MFSD6: variants seen among roughly 807,000 people sequenced by gnomAD.
The protein encoded by MFSD6 is major facilitator superfamily domain containing 6.
A neutral mutation model predicts 56.3 loss-of-function variants in MFSD6; 26 were observed. The ratio of observed to expected loss-of-function variants is 0.46; its 90% CI spans 0.34 to 0.64. The LOEUF (loss-of-function observed/expected upper bound fraction) is 0.64, where lower values mean the gene tolerates loss of function less well. Ranked by LOEUF, MFSD6 falls within the 30% of genes least tolerant of loss-of-function variation. The probability of loss-of-function intolerance (pLI) is 0.01; values close to 1 mark genes in which losing one functional copy is unlikely to be tolerated. For missense variants in MFSD6, 750 were observed against 986.2 expected, an observed-to-expected ratio of 0.76 and a Z score of 3.21; for synonymous variants, 331 against 366.9, an observed-to-expected ratio of 0.90 and a Z score of 1.12.
In MFSD6 at chr2:190,418,774, A is replaced by C. The variant is rs533418415; in HGVS notation, c.-54+3361A>C. ...CCTATCTAAAAAAACAAAACAAAAC[A>C]AAAGAATGACAAGGGTGCCAGGTTC... is the stretch of plus-strand genomic sequence containing the variant. On this transcript the variant is annotated intron_variant, in intron 2 of 7. Coordinates refer to ENST00000392328, the MANE Select transcript of MFSD6 (RefSeq NM_017694.4). This position sits in a 1 kb window ranked among gnomAD's most constrained non-coding sequence, Gnocchi z 4.1. Among the ~76,000 whole-genome samples, 1 of 152,292 alleles carries C rather than the reference A, an allele frequency of 6.6e-6. No individual in the cohort carries two copies. The highest frequency in any genetic ancestry group is 2.1e-4 in the South Asian group (1 of 4,828).
Position 190,447,100 on chromosome 2 carries a change from A to G in MFSD6, c.1532+9539A>G, listed in dbSNP as rs1004892059. ...ATTCATAGGCTCAGTAAAAAAAAAAACTTGAAAGGATGTCTTGACACACAA... is the reference window on the plus strand; with the variant it reads ...ATTCATAGGCTCAGTAAAAAAAAAAGCTTGAAAGGATGTCTTGACACACAA... On this transcript the variant is annotated intron_variant, in intron 3 of 7. Coordinates refer to ENST00000392328, the MANE Select transcript of MFSD6 (RefSeq NM_017694.4). This position sits in a 1 kb window ranked among gnomAD's most constrained non-coding sequence, Gnocchi z 4.5. 1.3e-5 allele frequency among the ~76,000 whole-genome samples: 2 copies of G among 152,142 alleles called. No individual in the cohort carries two copies. Among genetic ancestry groups the G allele is most frequent in the African/African-American group, 4.8e-5 (2 of 41,428 alleles).
Position 190,485,253 on chromosome 2 carries a change from A to G in MFSD6, c.1631-3404A>G, listed in dbSNP as rs1243379422. Among the ~76,000 whole-genome samples, 1 of 152,208 alleles carries G rather than the reference A, an allele frequency of 6.6e-6. No individual in the cohort carries two copies. Among genetic ancestry groups the G allele is most frequent in the African/African-American group, 2.4e-5 (1 of 41,468 alleles). On this transcript the variant is annotated intron_variant, in intron 4 of 7. Coordinates refer to ENST00000392328, the MANE Select transcript of MFSD6 (RefSeq NM_017694.4). The surrounding 1 kb of genome is among the most constrained non-coding windows in gnomAD (Gnocchi z 5.1). ...TGTCCAAGCCTTCACACTTAAAAGA[A>G]TAACTGCTAGAATTGTTTTTTATCT...
Position 190,439,155 on chromosome 2 carries a change from C to T in MFSD6, c.1532+1594C>T, listed in dbSNP as rs909147962. 2.6e-5 allele frequency among the ~76,000 whole-genome samples: 4 copies of T among 151,852 alleles called. No individual in the cohort carries two copies. The highest frequency in any genetic ancestry group is 9.7e-5 in the African/African-American group (4 of 41,342). On this transcript the variant is annotated intron_variant, in intron 3 of 7. Transcript: ENST00000392328. The surrounding 1 kb of genome is among the most constrained non-coding windows in gnomAD (Gnocchi z 5.8). ...AAATTGACCGAGATGAATCAGATGC[C>T]TCCCTTCAGCTTGGGCAGATGAGCA...
At position 190,458,379 on chromosome 2, in the gene MFSD6, G is replaced by A. The variant is rs547031199; in HGVS notation, c.1533-11379G>A. 2.0e-5 allele frequency among the ~76,000 whole-genome samples: 3 copies of A among 152,270 alleles called. No individual in the cohort carries two copies. Among genetic ancestry groups the A allele is most frequent in the South Asian group, 2.1e-4 (1 of 4,808 alleles). ...CAGATAGGCACAAGGGAAGATAGGC[G>A]ATGACACAGGGAGAGGATGACTTGT... On this transcript the variant is annotated intron_variant, in intron 3 of 7. Transcript: ENST00000392328. This position sits in a 1 kb window ranked among gnomAD's most constrained non-coding sequence, Gnocchi z 5.3.
At position 190,440,930 on chromosome 2, in the gene MFSD6, T is replaced by C. The variant is rs886693230; in HGVS notation, c.1532+3369T>C. On this transcript the variant is annotated intron_variant, in intron 3 of 7. Coordinates refer to ENST00000392328, the MANE Select transcript of MFSD6 (RefSeq NM_017694.4). ...ATGCTGCAGGATGAACCAGAACAGA[T>C]AGCAAGATGCTGGGCTTCAGCACAG... 1.3e-5 allele frequency among the ~76,000 whole-genome samples: 2 copies of C among 152,116 alleles called. 1 individual carries two copies. Among genetic ancestry groups the C allele is most frequent in the South Asian group, 4.1e-4 (2 of 4,830 alleles).
chr2:190,486,997 A>G (rs190042604), intron 4 of MFSD6, among the ~76,000 whole-genome samples: 546 of 152,282 alleles, frequency 3.6e-3, no homozygotes, highest in Middle Eastern at 6.8e-3. Context: ...AAGATATAAA[A>G]CTGGTAATGG....
At chr2:190,480,996 C>T (rs114534179) in intron 4 of MFSD6, among the ~76,000 whole-genome samples, 164 of 152,258 alleles carry the variant, frequency 1.1e-3, no homozygotes, top group African/African-American at 3.6e-3. Flanking sequence ...AGCCTAATGA[C>T]CAAAGCGTAA....
chr2:190,437,452 C>T lies in MFSD6; in HGVS notation c.1423C>T (p.Leu475Phe), dbSNP rs1207879420. The change falls in exon 3 of 8, where the codon CTC (leucine) becomes TTC (phenylalanine). Residue 475 changes from leucine (L) to phenylalanine (F), a missense_variant. Around this residue, in one of 5 missense-constraint regions of MFSD6, gnomAD observed 125 missense variants for 223.1 expected, o/e 0.56. Coordinates refer to ENST00000392328, the MANE Select transcript of MFSD6 (RefSeq NM_017694.4). This position sits in a 1 kb window ranked among gnomAD's most constrained non-coding sequence, Gnocchi z 5.9. ...CTTTCTCTACTGGCATTTGGAAGAC[C>T]TCAATGGAACTACAACCCTCTTTGG... ...FTFLYWHLED[L>F]NGTTTLFGVC... 1 of 1,614,194 alleles carries T rather than the reference C, an allele frequency of 6.2e-7. No homozygotes were observed. The highest frequency in any genetic ancestry group is 2.2e-5 in the East Asian group (1 of 44,876).
intron 3 of MFSD6, among the ~76,000 whole-genome samples, chr2:190,446,750 T>C (rs570580345): frequency 6.6e-6 from 1 of 152,304 alleles, no homozygotes; most frequent in East Asian, 1.9e-4. Context: ...CAAAACTACA[T>C]ACTGGTGGGA....
chr2:190,417,071 T>C lies in MFSD6; in HGVS notation c.-54+1658T>C, dbSNP rs1001898513. Among the ~76,000 whole-genome samples, 1 of 152,058 alleles carries C rather than the reference T, an allele frequency of 6.6e-6. No individual in the cohort carries two copies. The highest frequency in any genetic ancestry group is 6.6e-5 in the Admixed American group (1 of 15,250). On this transcript the variant is annotated intron_variant, in intron 2 of 7. Transcript: ENST00000392328. The surrounding 1 kb of genome is among the most constrained non-coding windows in gnomAD (Gnocchi z 5.7). ...GGCAAACGAGATATCTGTAAAAAGATAGCAATAAAATTACCTATAAATCCT... is the reference window on the plus strand; with the variant it reads ...GGCAAACGAGATATCTGTAAAAAGACAGCAATAAAATTACCTATAAATCCT...
rs1687158429 is a variant in MFSD6, at chr2:190,458,527, T to C, written c.1533-11231T>C. On this transcript the variant is annotated intron_variant, in intron 3 of 7. Transcript: ENST00000392328. The surrounding 1 kb of genome is among the most constrained non-coding windows in gnomAD (Gnocchi z 5.3). ...TGTTGAAGCCACCCAGTCTGTGGTA[T>C]TTGTTACAGCAGCCTTAGCAAACTA... Among the ~76,000 whole-genome samples the C allele has an allele frequency of 6.6e-6, 1 of 152,184 alleles. No individual in the cohort carries two copies. The highest frequency in any genetic ancestry group is 1.5e-5 in the Non-Finnish European group (1 of 68,030).
chr2:190,445,698 T>C (rs1686554555), intron 3 of MFSD6, among the ~76,000 whole-genome samples: 1 of 152,230 alleles, frequency 6.6e-6, no homozygotes. Context: ...CCTCTCCTGG[T>C]ACCTTGGTTT....
rs999736694 is a variant in MFSD6, at chr2:190,462,199, C to T, written c.1533-7559C>T. ...ATTCCATATTGAGTACACATACAGA[C>T]ATTTTATGGAGAAATGGGAACAGAA... On this transcript the variant is annotated intron_variant, in intron 3 of 7. Transcript: ENST00000392328. This position sits in a 1 kb window ranked among gnomAD's most constrained non-coding sequence, Gnocchi z 5.7. Among the ~76,000 whole-genome samples the T allele has an allele frequency of 6.6e-6, 1 of 152,064 alleles. No individual in the cohort carries two copies. Among genetic ancestry groups the T allele is most frequent in the Admixed American group, 6.6e-5 (1 of 15,264 alleles).
At chr2:190,442,485 T>A (rs1235230729) in intron 3 of MFSD6, 1 of 152,016 alleles carries the variant, frequency 6.6e-6, no homozygotes, top group Non-Finnish European at 1.5e-5. Context: ...GCTTTGAATG[T>A]TGCTATGCAG....
At chr2:190,478,203 C>T (rs569510214) in intron 4 of MFSD6, among the ~76,000 whole-genome samples, 1 of 152,220 alleles carries the variant, frequency 6.6e-6, no homozygotes, top group East Asian at 1.9e-4. Context: ...TTTTATTCTC[C>T]CTTATGCCAG....
In MFSD6 at chr2:190,487,607, T is replaced by C. The variant is rs948732124; in HGVS notation, c.1631-1050T>C. Among the ~76,000 whole-genome samples, 5 of 152,200 alleles carry C rather than the reference T, an allele frequency of 3.3e-5. No individual in the cohort carries two copies. Among genetic ancestry groups the C allele is most frequent in the African/African-American group, 1.2e-4 (5 of 41,450 alleles). On this transcript the variant is annotated intron_variant, in intron 4 of 7. Transcript: ENST00000392328. This position sits in a 1 kb window ranked among gnomAD's most constrained non-coding sequence, Gnocchi z 5.5. ...ATGGGCAAAGGAATTGAATAAACAT[T>C]TCTTCAAAGAAGATATAGATGGCCA...
chr2:190,480,006 T>C (rs903394223), intron 4 of MFSD6, among the ~76,000 whole-genome samples: 3 of 152,102 alleles, frequency 2.0e-5, no homozygotes, highest in Non-Finnish European at 4.4e-5. Context: ...CTACAAAATA[T>C]TTAAAAATCA....
intron 3 of MFSD6, among the ~76,000 whole-genome samples, chr2:190,441,264 C>T (rs557240555): frequency 3.3e-5 from 5 of 152,006 alleles, no homozygotes; most frequent in African/African-American, 4.8e-5. Context: ...TACTTGGGTT[C>T]GGCTAATGTA....
rs1390046436 is a variant in MFSD6 at position 190,496,211 on chromosome 2, TG to T, written c.1892-1226del. On this transcript the variant is annotated intron_variant, in intron 6 of 7. Transcript: ENST00000392328. The surrounding 1 kb of genome is among the most constrained non-coding windows in gnomAD (Gnocchi z 4.7). ...CAATTCTCAAGCAAAGATACACAAA[TG>T]GCCAACAAACATGAAACAATGGTCA... Among the ~76,000 whole-genome samples, 1 of 149,004 alleles carries T rather than the reference TG, an allele frequency of 6.7e-6. No individual in the cohort carries two copies. The highest frequency in any genetic ancestry group is 1.5e-5 in the Non-Finnish European group (1 of 67,442).
Sources: allele counts gnomAD v4.1 joint callset (sites outside exome capture counted in the v4.1 genomes callset), GRCh38; gene constraint gnomAD v4.1.1; regional missense constraint gnomAD v4.1.1; non-coding constraint Gnocchi (gnomAD v3.1); transcripts MANE v1.5; gene names NCBI Gene and HGNC (gene_info 2026-07-23, HGNC 2026-07-21).